Variants in PTPRD observed in about 807,000 individuals in gnomAD.
PTPRD encodes the protein protein tyrosine phosphatase receptor type D, also known as receptor-type tyrosine-protein phosphatase delta.
Under a neutral mutation model 214.5 loss-of-function variants are expected in PTPRD, and 34 were observed. That is an observed-to-expected ratio of 0.16 (90% CI 0.12 to 0.21). The LOEUF is 0.21. Among genes scored for constraint, PTPRD ranks in the 10% least tolerant of loss-of-function variants. The probability of loss-of-function intolerance (pLI) is 1.00; values close to 1 mark genes in which losing one functional copy is unlikely to be tolerated. For synonymous variants in PTPRD, 1,128 were observed against 845.7 expected (o/e 1.33, Z -5.79); for missense variants, 2,545 against 2,398.7 (o/e 1.06, Z -1.27).
At chr9:9,132,183 A>AT (rs35587880) in intron 10 of PTPRD, among the ~76,000 whole-genome samples, 8 of 151,854 alleles carry the variant, frequency 5.3e-5, no homozygotes, top group East Asian at 2.0e-4. Context: ...AATTTTTTGT[A>AT]TTTTTTTGGT....
intron 7 of PTPRD, among the ~76,000 whole-genome samples, chr9:9,646,322 TGTGTGTGTGTGTGTGTGTGTGG>T (rs1393785962): frequency 8.2e-6 from 1 of 121,628 alleles, no homozygotes; most frequent in Non-Finnish European, 2.0e-5. Flanking sequence ...TGTGTGGGTG[TGTGTGTGTGTGTGTGTGTGTGG>T]GTGTGTGTGT....
intron 43 of PTPRD, among the ~76,000 whole-genome samples, chr9:8,336,604 T>C (rs1847009905): frequency 7.0e-6 from 1 of 142,274 alleles, no homozygotes; most frequent in Admixed American, 7.1e-5. Flanking sequence ...TGGGATCTAA[T>C]TAAACTAAAG....
rs143940519 is a variant in PTPRD, at chr9:10,465,525, C to T, written c.-599-124508G>A. Reference sequence around the variant, plus strand: ...AGTCAATGACAGACTGCTTATACAACGGTGGTCTCATAAGATTATACCGGA... The same window carrying T: ...AGTCAATGACAGACTGCTTATACAATGGTGGTCTCATAAGATTATACCGGA... On this transcript the variant is annotated intron_variant, in intron 2 of 45. Transcript: ENST00000381196. 7.9e-4 allele frequency among the ~76,000 whole-genome samples: 121 copies of T among 152,248 alleles called. 1 individual carries two copies. The East Asian group carries it at 0.011, about 13-fold the overall frequency.
intron 12 of PTPRD, among the ~76,000 whole-genome samples, chr9:8,653,443 C>T (rs570734244): frequency 1.3e-5 from 2 of 152,274 alleles, no homozygotes; most frequent in African/African-American, 4.8e-5. Flanking sequence ...TGCCATCCTT[C>T]ACTACCCATC....
intron 3 of PTPRD, among the ~76,000 whole-genome samples, chr9:10,039,862 CTGTT>C (rs756008927): frequency 6.6e-6 from 1 of 152,004 alleles, no homozygotes; most frequent in Admixed American, 6.6e-5. Flanking sequence ...AATATTATGT[CTGTT>C]TGGCAAACAA....
At chr9:10,598,482 G>A (rs1356244315) in intron 2 of PTPRD, among the ~76,000 whole-genome samples, 1 of 151,606 alleles carries the variant, frequency 6.6e-6, no homozygotes. Flanking sequence ...GTTATTCTGT[G>A]CAGAAAATAA....
chr9:8,675,337 C>T (rs1391577069), intron 12 of PTPRD, among the ~76,000 whole-genome samples: 3 of 151,828 alleles, frequency 2.0e-5, no homozygotes, highest in East Asian at 3.9e-4. Flanking sequence ...TATCACATAT[C>T]CTGCAGAGTG....
chr9:8,359,101 C>T (rs1288794732), intron 39 of PTPRD, among the ~76,000 whole-genome samples: 2 of 80,248 alleles, frequency 2.5e-5, no homozygotes, highest in Non-Finnish European at 4.1e-5. Context: ...GAGCGAGACT[C>T]CGTCTCAAAA....
chr9:9,308,107 G>T lies in PTPRD; in HGVS notation c.-203+89342C>A, dbSNP rs1025307276. On this transcript the variant is annotated intron_variant, in intron 9 of 45. Coordinates refer to ENST00000381196, the MANE Select transcript of PTPRD (RefSeq NM_002839.4). ...TTGATGAAAAAGAGAATGTATAACT[G>T]TGGCATTTTGAAGTAAATTTCACTC... 3.3e-5 allele frequency among the ~76,000 whole-genome samples: 5 copies of T among 152,294 alleles called. No homozygotes were observed. The East Asian group carries it at 9.6e-4, about 29-fold the overall frequency.
At chr9:9,454,193 T>C (rs551174842) in intron 8 of PTPRD, among the ~76,000 whole-genome samples, 1 of 151,902 alleles carries the variant, frequency 6.6e-6, no homozygotes, top group South Asian at 2.1e-4. Context: ...TTTCCAGTGA[T>C]GAGCTAACAA....
chr9:9,857,110 T>C (rs989002566), intron 5 of PTPRD, among the ~76,000 whole-genome samples: 6 of 152,172 alleles, frequency 3.9e-5, no homozygotes, highest in Non-Finnish European at 8.8e-5. Context: ...TCCTCAACTT[T>C]GTGGAAACTG....
intron 9 of PTPRD, among the ~76,000 whole-genome samples, chr9:9,316,358 T>C (rs1963102044): frequency 1.3e-5 from 2 of 152,122 alleles, no homozygotes; most frequent in African/African-American, 4.8e-5. Context: ...TTTTTCAGGT[T>C]AGAATACTTT....
At chr9:9,189,011 A>G (rs1022636609) in intron 9 of PTPRD, among the ~76,000 whole-genome samples, 1 of 152,074 alleles carries the variant, frequency 6.6e-6, no homozygotes, top group Non-Finnish European at 1.5e-5. Flanking sequence ...ACTACTTAAT[A>G]TCAGTCTATT....
At chr9:10,120,398 G>A (rs1013998447) in intron 3 of PTPRD, among the ~76,000 whole-genome samples, 1 of 151,818 alleles carries the variant, frequency 6.6e-6, no homozygotes, top group African/African-American at 2.4e-5. Context: ...CACTTCATTG[G>A]TGAGGAAACT....
intron 9 of PTPRD, among the ~76,000 whole-genome samples, chr9:9,319,703 C>T (rs1232645216): frequency 6.6e-6 from 1 of 152,036 alleles, no homozygotes; most frequent in South Asian, 2.1e-4. Context: ...CTCAAAAATT[C>T]CAAAAAGAAG....
At chr9:8,773,600 C>A (rs1489438455) in intron 11 of PTPRD, among the ~76,000 whole-genome samples, 9 of 152,124 alleles carry the variant, frequency 5.9e-5, no homozygotes, top group Admixed American at 5.9e-4. Context: ...TCAGAATTAT[C>A]TTTTCACAAC....
chr9:9,006,120 T>C (rs2099464421), intron 11 of PTPRD, among the ~76,000 whole-genome samples: 1 of 151,996 alleles, frequency 6.6e-6, no homozygotes, highest in African/African-American at 2.4e-5. Context: ...GTGCAACTGA[T>C]TCATTGAAGA....
intron 9 of PTPRD, among the ~76,000 whole-genome samples, chr9:9,322,523 G>T (rs1157341417): frequency 6.6e-6 from 1 of 152,040 alleles, no homozygotes; most frequent in Admixed American, 6.6e-5. Flanking sequence ...CATATACCTA[G>T]GTTTATGTAA....
At chr9:9,735,044 A>C (rs2098269326) in intron 6 of PTPRD, among the ~76,000 whole-genome samples, 2 of 152,254 alleles carry the variant, frequency 1.3e-5, no homozygotes, top group Non-Finnish European at 1.5e-5. Flanking sequence ...TGAAAAGTAA[A>C]ACCATGAAAG....
Sources: gnomAD v4.1 joint callset for allele counts (sites outside exome capture counted in the v4.1 genomes callset) on GRCh38, gnomAD v4.1.1 for gene constraint, MANE v1.5 for transcripts, NCBI Gene and HGNC (gene_info 2026-07-23, HGNC 2026-07-21) for gene names.